The following SPOPL variants were observed in gnomAD, a reference collection of about 807,000 sequenced individuals.
The protein encoded by SPOPL is speckle type BTB/POZ protein like, also known as speckle-type POZ protein-like.
SPOPL carries 23 observed loss-of-function variants against 53.8 expected under a neutral mutation model. That is an observed-to-expected ratio of 0.43 (90% CI 0.31 to 0.61). The LOEUF (loss-of-function observed/expected upper bound fraction) is 0.61, where lower values mean the gene tolerates loss of function less well. SPOPL is among the 20% of genes least tolerant of loss of function. The pLI, the probability that SPOPL is intolerant of heterozygous loss-of-function variation, is 0.12. For missense variants in SPOPL, 442 were observed against 466.9 expected (o/e 0.95, Z 0.49); for synonymous variants, 164 against 149.7 (o/e 1.10, Z -0.70).
chr2:138,505,511 C>A (rs961309887), intron 1 of SPOPL, among the ~76,000 whole-genome samples: 2 of 146,408 alleles, frequency 1.4e-5, no homozygotes, highest in African/African-American at 5.1e-5. Flanking sequence ...AATCCCAGCA[C>A]TTTGGGAGGT....
chr2:138,544,006 C>G (rs977680854), intron 1 of SPOPL, among the ~76,000 whole-genome samples: 1 of 152,130 alleles, frequency 6.6e-6, no homozygotes, highest in Non-Finnish European at 1.5e-5. Context: ...CACTCCAGAC[C>G]CTGTTTGCCT....
At chr2:138,526,726 A>C (rs1300728712) in intron 1 of SPOPL, among the ~76,000 whole-genome samples, 3 of 116,440 alleles carry the variant, frequency 2.6e-5, no homozygotes, top group Non-Finnish European at 4.2e-5. Context: ...TAGAGTATGG[A>C]ATTTTTTTTT....
chr2:138,528,900 AT>A (rs1684735229), intron 1 of SPOPL, among the ~76,000 whole-genome samples: 1 of 152,172 alleles, frequency 6.6e-6, no homozygotes, highest in Non-Finnish European at 1.5e-5. Context: ...AGAGGCAGTT[AT>A]TATCTTCTTC....
chr2:138,520,680 T>A (rs865775696), intron 1 of SPOPL, among the ~76,000 whole-genome samples: 4 of 152,088 alleles, frequency 2.6e-5, no homozygotes, highest in African/African-American at 7.2e-5. Context: ...GGTCAATGAA[T>A]AAGAGAGAAA....
At chr2:138,534,476 C>T (rs1055111122) in intron 1 of SPOPL, among the ~76,000 whole-genome samples, 2 of 152,042 alleles carry the variant, frequency 1.3e-5, no homozygotes, top group Admixed American at 6.6e-5. Context: ...ATTTTGGTAT[C>T]CATGGGAGTC....
chr2:138,553,499 A>G (rs534787949), intron 5 of SPOPL, among the ~76,000 whole-genome samples: 2 of 152,158 alleles, frequency 1.3e-5, no homozygotes, highest in Non-Finnish European at 2.9e-5. Flanking sequence ...GATTTTTATC[A>G]TGTACTCAAC....
rs1277821583 is a variant in SPOPL, at chr2:138,513,456, G to A, written c.-61+11337G>A. Among the ~76,000 whole-genome samples the A allele has an allele frequency of 3.3e-5, 5 of 152,130 alleles. 1 individual carries two copies. Among genetic ancestry groups the A allele is most frequent in the Admixed American group, 3.3e-4 (5 of 15,284 alleles). ...TAATCCCAGCTACTCGGGAGGCTGA[G>A]GCAGGAGCGCTTGAACCTGGGAGGC... On this transcript the variant is annotated intron_variant, in intron 1 of 10. Transcript: ENST00000280098.
At chr2:138,565,482 T>G (rs1685641053) in intron 10 of SPOPL, among the ~76,000 whole-genome samples, 1 of 152,204 alleles carries the variant, frequency 6.6e-6, no homozygotes, top group Non-Finnish European at 1.5e-5. Flanking sequence ...CCCTTTTCCC[T>G]AGTGAACCTG....
At chr2:138,511,491 C>T (rs1208766327) in intron 1 of SPOPL, among the ~76,000 whole-genome samples, 1 of 152,136 alleles carries the variant, frequency 6.6e-6, no homozygotes, top group Non-Finnish European at 1.5e-5. Flanking sequence ...CAGACAGACA[C>T]TGTGTTGAGT....
Position 138,572,724 on chromosome 2 carries a change from C to CT in SPOPL, c.*3650dup, listed in dbSNP as rs1685813849. The CT allele has an allele frequency of 6.6e-6, 1 of 152,442 alleles. No homozygotes were observed. Among genetic ancestry groups the CT allele is most frequent in the Non-Finnish European group, 1.5e-5 (1 of 67,970 alleles). The allele number at this position is 152,442 out of a possible 1,614,324, so 9.4% of individuals were successfully genotyped here. On this transcript the variant is annotated 3_prime_UTR_variant, in exon 11 of 11. Transcript: ENST00000280098. ...CGCACACAAAGTGTATTTTACAAAC[C>CT]TTTTTTATACAAATTAATGAGCTCT...
chr2:138,542,181 T>C (rs1685086341), intron 1 of SPOPL, among the ~76,000 whole-genome samples: 2 of 152,164 alleles, frequency 1.3e-5, no homozygotes, highest in South Asian at 2.1e-4. Flanking sequence ...GGAATAAATG[T>C]GGTGTGCTGC....
chr2:138,558,466 G>C (rs1388347211), intron 5 of SPOPL, among the ~76,000 whole-genome samples: 1 of 151,960 alleles, frequency 6.6e-6, no homozygotes, highest in Admixed American at 6.6e-5. Flanking sequence ...ATTTAAATCA[G>C]TTTAATATGT....
rs146117744 is a variant in SPOPL at position 138,550,920 on chromosome 2, C to T, written c.218C>T (p.Pro73Leu). ...DKMKWCLRVNPKGLDDESKDY... is the reference protein window; with the variant it reads ...DKMKWCLRVNLKGLDDESKDY... ...TATTTTAGGTGCCTGAGGGTAAACCCAAAGGGATTAGATGATGAAAGTAAA... is the reference window on the plus strand; with the variant it reads ...TATTTTAGGTGCCTGAGGGTAAACCTAAAGGGATTAGATGATGAAAGTAAA... Residue 73 changes from proline to leucine, a missense_variant, in exon 4 of 11, where the codon CCA becomes CTA. Coordinates refer to ENST00000280098, the MANE Select transcript of SPOPL (RefSeq NM_001001664.3). 6.2e-7 allele frequency: 1 copy of T among 1,611,722 alleles called. No individual in the cohort carries two copies. Among genetic ancestry groups the T allele is most frequent in the Non-Finnish European group, 8.5e-7 (1 of 1,179,006 alleles).
intron 1 of SPOPL, among the ~76,000 whole-genome samples, chr2:138,517,848 A>G (rs1325400925): frequency 1.3e-5 from 2 of 151,990 alleles, no homozygotes; most frequent in Admixed American, 6.6e-5. Context: ...GGAATTTGAG[A>G]CCAGCCTGGC....
chr2:138,541,911 C>T lies in SPOPL; in HGVS notation c.-60-8246C>T, dbSNP rs529962635. Among the ~76,000 whole-genome samples the T allele has an allele frequency of 4.6e-5, 7 of 152,212 alleles. No individual in the cohort carries two copies. The East Asian group carries it at 1.2e-3, about 25-fold the overall frequency. ...TTCCCTCTACACACTGCTTTGAATG[C>T]ATCCCAGAGATTCTGGTATGTTGTG... On this transcript the variant is annotated intron_variant, in intron 1 of 10. Transcript: ENST00000280098.
rs578017917 is a variant in SPOPL, at chr2:138,573,288, G to A, written c.*4208G>A. The A allele has an allele frequency of 5.3e-5, 8 of 152,150 alleles. No individual in the cohort carries two copies. The South Asian group carries it at 1.5e-3, about 28-fold the overall frequency. The allele number at this position is 152,150 out of a possible 1,614,324, so 9.4% of individuals were successfully genotyped here. On this transcript the variant is annotated 3_prime_UTR_variant, in exon 11 of 11. Transcript: ENST00000280098. ...ATACATACTCTTCTTTTTCAGGTTGGTATGATGCTTTGCAAAAGAGCCATG... is the reference window on the plus strand; with the variant it reads ...ATACATACTCTTCTTTTTCAGGTTGATATGATGCTTTGCAAAAGAGCCATG...
At chr2:138,541,309 G>C (rs1432513826) in intron 1 of SPOPL, among the ~76,000 whole-genome samples, 1 of 152,186 alleles carries the variant, frequency 6.6e-6, no homozygotes, top group African/African-American at 2.4e-5. Flanking sequence ...AGTAGTTTCA[G>C]AAGGAATGGT....
chr2:138,509,856 T>G (rs1261518953), intron 1 of SPOPL, among the ~76,000 whole-genome samples: 1 of 152,204 alleles, frequency 6.6e-6, no homozygotes, highest in East Asian at 1.9e-4. Context: ...TTATGACATC[T>G]ATCTACCATT....
intron 1 of SPOPL, among the ~76,000 whole-genome samples, chr2:138,513,605 T>A (rs1039477081): frequency 6.6e-6 from 1 of 152,042 alleles, no homozygotes; most frequent in Non-Finnish European, 1.5e-5. Flanking sequence ...GTTGGTGTTG[T>A]GGTGCACGCC....
Sources: gnomAD v4.1 joint callset for allele counts (sites outside exome capture counted in the v4.1 genomes callset) on GRCh38, gnomAD v4.1.1 for gene constraint, MANE v1.5 for transcripts, NCBI Gene and HGNC (gene_info 2026-07-23, HGNC 2026-07-21) for gene names.